FARP1: variants seen among roughly 807,000 people sequenced by gnomAD.
FARP1 encodes the protein FERM, ARHGEF and pleckstrin domain-containing protein 1.
In FARP1, 52 loss-of-function variants were observed where a neutral mutation model predicts 128.8. That is an observed-to-expected ratio of 0.40 (90% CI 0.32 to 0.51). The LOEUF (loss-of-function observed/expected upper bound fraction) is 0.51, where lower values mean the gene tolerates loss of function less well. Ranked by LOEUF, FARP1 falls within the 20% of genes least tolerant of loss-of-function variation. The pLI is 0.45. For missense variants in FARP1, 1,333 were observed against 1,367.9 expected (o/e 0.97, Z 0.40); for synonymous variants, 580 against 551.8 (o/e 1.05, Z -0.72).
intron 2 of FARP1, among the ~76,000 whole-genome samples, chr13:98,249,993 C>T (rs1883246444): frequency 6.6e-6 from 1 of 152,046 alleles, no homozygotes; most frequent in Non-Finnish European, 1.5e-5. Flanking sequence ...TTTAAGTTTT[C>T]AATCTTTTAA....
intron 2 of FARP1, among the ~76,000 whole-genome samples, chr13:98,226,354 G>A (rs543038146): frequency 1.3e-5 from 2 of 152,114 alleles, no homozygotes; most frequent in African/African-American, 4.8e-5. Context: ...TTCCCCTTTC[G>A]TAAGGACATG....
intron 3 of FARP1, among the ~76,000 whole-genome samples, chr13:98,356,054 A>C (rs1449699718): frequency 1.3e-5 from 2 of 152,216 alleles, no homozygotes; most frequent in Admixed American, 6.5e-5. Flanking sequence ...TTTTACATGC[A>C]CTTGGAAAAG....
chr13:98,372,757 G>A lies in FARP1; in HGVS notation c.398+4562G>A, dbSNP rs577510048. ...CCCTCTGTCTGCTCCTGCCATAATC[G>A]TTGTCCTCTCCTCACATGAGAGGTG... is the stretch of plus-strand genomic sequence containing the variant. On this transcript the variant is annotated intron_variant, in intron 5 of 26. Transcript: ENST00000319562. Among the ~76,000 whole-genome samples the A allele has an allele frequency of 4.6e-5, 7 of 152,250 alleles. No individual in the cohort carries two copies. The East Asian group carries it at 5.8e-4, about 13-fold the overall frequency.
At chr13:98,350,486 A>C (rs1445798040) in intron 3 of FARP1, among the ~76,000 whole-genome samples, 1 of 152,006 alleles carries the variant, frequency 6.6e-6, no homozygotes, top group East Asian at 1.9e-4. Context: ...GTGTCAATCC[A>C]TTATCATTCA....
chr13:98,236,939 C>G (rs925797555), intron 2 of FARP1, among the ~76,000 whole-genome samples: 3 of 152,126 alleles, frequency 2.0e-5, no homozygotes, highest in Non-Finnish European at 4.4e-5. Context: ...CTGCCATGAG[C>G]CAAGACTGCG....
intron 15 of FARP1, among the ~76,000 whole-genome samples, 170 bp downstream of exon 15, chr13:98,410,993 A>T (rs1162830462): frequency 6.6e-6 from 1 of 152,230 alleles, no homozygotes; most frequent in Non-Finnish European, 1.5e-5. Flanking sequence ...TTAATTGGGA[A>T]TATATGCTAT....
At chr13:98,342,611 A>G (rs1322544914) in intron 2 of FARP1, among the ~76,000 whole-genome samples, 2 of 152,048 alleles carry the variant, frequency 1.3e-5, no homozygotes, top group African/African-American at 4.8e-5. Context: ...GAGGTAGGAG[A>G]ATCACTTGAA....
At chr13:98,220,725 G>A (rs1283819353) in intron 2 of FARP1, among the ~76,000 whole-genome samples, 2 of 152,144 alleles carry the variant, frequency 1.3e-5, no homozygotes, top group Admixed American at 6.5e-5. Flanking sequence ...GGAGCAAAGA[G>A]TAGAATTTAA....
intron 1 of FARP1, among the ~76,000 whole-genome samples, chr13:98,209,790 G>A (rs12869585): frequency 0.51 from 42,757 of 84,258 alleles, 11,261 homozygotes; most frequent in Non-Finnish European, 0.61. Flanking sequence ...GAGTAAAACT[G>A]TGTCTCAAAA....
intron 2 of FARP1, among the ~76,000 whole-genome samples, chr13:98,307,072 C>G (rs190739149): frequency 9.7e-4 from 147 of 152,288 alleles, no homozygotes; most frequent in Non-Finnish European, 1.6e-3. Context: ...GCTCAATGTA[C>G]AAATGACAGG....
At position 98,225,710 on chromosome 13, in the gene FARP1, G is replaced by A. The variant is rs557433191; in HGVS notation, c.171+12297G>A. ...ACCAAGACACTGCCAACAGCCCTCC[G>A]GCGTCCTGCCAACCGGGCTGTTAGA... On this transcript the variant is annotated intron_variant, in intron 2 of 26. Coordinates refer to ENST00000319562, the MANE Select transcript of FARP1 (RefSeq NM_005766.4). Among the ~76,000 whole-genome samples, 10 of 152,330 alleles carry A rather than the reference G, an allele frequency of 6.6e-5. No individual in the cohort carries two copies. In the South Asian group the frequency reaches 8.3e-4, roughly 13 times the overall value.
intron 2 of FARP1, among the ~76,000 whole-genome samples, chr13:98,312,200 G>A (rs1454422347): frequency 2.1e-5 from 3 of 145,772 alleles, no homozygotes; most frequent in African/African-American, 2.6e-5. Context: ...GAGTGGAGTG[G>A]CGTGATCTTG....
Position 98,249,214 on chromosome 13 carries a change from C to A in FARP1, c.171+35801C>A, listed in dbSNP as rs555346632. On this transcript the variant is annotated intron_variant, in intron 2 of 26. Coordinates refer to ENST00000319562, the MANE Select transcript of FARP1 (RefSeq NM_005766.4). ...ACTGTATTTCAACTAAGTGAGCACC[C>A]ATGGGTGCTCATTTAGACGAATAGG... 7.0e-4 allele frequency among the ~76,000 whole-genome samples: 107 copies of A among 152,180 alleles called. 1 individual carries two copies. The highest frequency in any genetic ancestry group is 2.5e-3 in the African/African-American group (105 of 41,514).
intron 2 of FARP1, chr13:98,329,682 T>C (rs1294545370): frequency 1.3e-5 from 2 of 152,158 alleles, no homozygotes; most frequent in South Asian, 4.2e-4. Flanking sequence ...ATATTTTCCC[T>C]AGTTGGCTTT....
intron 6 of FARP1, among the ~76,000 whole-genome samples, chr13:98,379,153 T>TATATATAATATATATA (rs1199900640): frequency 1.4e-5 from 1 of 72,984 alleles, no homozygotes; most frequent in Non-Finnish European, 2.3e-5. Flanking sequence ...CTATATATAA[T>TATATATAATATATATA]ATATATATAA....
intron 17 of FARP1, among the ~76,000 whole-genome samples, chr13:98,429,167 C>T (rs1179397177): frequency 1.3e-5 from 2 of 152,162 alleles, no homozygotes; most frequent in Non-Finnish European, 2.9e-5. Context: ...GTGATAAGGG[C>T]GGTTGTGGAA....
chr13:98,346,953 G>A (rs1011714478), intron 3 of FARP1, among the ~76,000 whole-genome samples: 2 of 152,198 alleles, frequency 1.3e-5, no homozygotes, highest in African/African-American at 4.8e-5. Flanking sequence ...AATAGTTACA[G>A]ATGCAAATGC....
chr13:98,308,374 G>C (rs1842371557), intron 2 of FARP1, among the ~76,000 whole-genome samples: 1 of 152,108 alleles, frequency 6.6e-6, no homozygotes, highest in Non-Finnish European at 1.5e-5. Flanking sequence ...GGCGTTCTTT[G>C]TAGGTCCCGT....
chr13:98,411,867 T>G, intron 15 of FARP1, 34 bp from the exon 16 acceptor site: 1 of 1,607,420 alleles, frequency 6.2e-7, no homozygotes, highest in African/African-American at 1.3e-5. Flanking sequence ...CATTGATCTT[T>G]CCACCCGTAA....
Sources: allele counts gnomAD v4.1 joint callset (sites outside exome capture counted in the v4.1 genomes callset), GRCh38; gene constraint gnomAD v4.1.1; transcripts MANE v1.5; gene names NCBI Gene and HGNC (gene_info 2026-07-23, HGNC 2026-07-21).